Variants in EPHA5 observed in about 807,000 individuals in gnomAD.
EPHA5 encodes the protein EPH receptor A5.
EPHA5 carries 60 observed loss-of-function variants against 105.0 expected under a neutral mutation model. That is an observed-to-expected ratio of 0.57 (90% CI 0.46 to 0.71). EPHA5 has a LOEUF of 0.71. Among genes scored for constraint, EPHA5 ranks in the 30% least tolerant of loss-of-function variants. The pLI, the probability that EPHA5 is intolerant of heterozygous loss-of-function variation, is 0.00. For missense variants in EPHA5, 1,218 were observed against 1,274.7 expected, an observed-to-expected ratio of 0.96 and a Z score of 0.68; for synonymous variants, 513 against 449.1, an observed-to-expected ratio of 1.14 and a Z score of -1.80.
intron 3 of EPHA5, among the ~76,000 whole-genome samples, chr4:65,574,581 T>C (rs1391625087): frequency 6.9e-6 from 1 of 144,688 alleles, no homozygotes; most frequent in Admixed American, 6.9e-5. Flanking sequence ...AATAAATATG[T>C]CTCTCTCTAT....
chr4:65,596,703 CACA>C (rs759916649), intron 3 of EPHA5, among the ~76,000 whole-genome samples: 6 of 151,850 alleles, frequency 4.0e-5, no homozygotes, highest in Admixed American at 1.3e-4. Flanking sequence ...CACACACACA[CACA>C]CCAACACAAC....
At chr4:65,362,745 T>A (rs1263553995) in intron 11 of EPHA5, among the ~76,000 whole-genome samples, 9 of 151,680 alleles carry the variant, frequency 5.9e-5, no homozygotes, top group African/African-American at 2.2e-4. Context: ...AGAAGTTGTC[T>A]TAAGTTATCT....
chr4:65,387,153 G>A (rs899155733), intron 8 of EPHA5, among the ~76,000 whole-genome samples: 5 of 151,844 alleles, frequency 3.3e-5, no homozygotes, highest in African/African-American at 9.7e-5. Context: ...GGGGTTGGGC[G>A]GTAAGTGGAA....
chr4:65,519,194 T>A (rs1371020058), intron 3 of EPHA5, among the ~76,000 whole-genome samples: 1 of 151,832 alleles, frequency 6.6e-6, no homozygotes, highest in Non-Finnish European at 1.5e-5. Context: ...TAAATATAAA[T>A]ATAAAAAATA....
chr4:65,622,878 T>C (rs996786369), intron 2 of EPHA5, among the ~76,000 whole-genome samples: 2 of 152,098 alleles, frequency 1.3e-5, no homozygotes, highest in Non-Finnish European at 2.9e-5. Flanking sequence ...CAAGCTCACT[T>C]AACTTTAATT....
intron 8 of EPHA5, among the ~76,000 whole-genome samples, chr4:65,395,179 G>A (rs1279448012): frequency 6.6e-6 from 1 of 152,162 alleles, no homozygotes; most frequent in African/African-American, 2.4e-5. Flanking sequence ...TAATGATTCA[G>A]ACTAACTGAA....
chr4:65,446,408 C>T lies in EPHA5; in HGVS notation c.1403-25843G>A, dbSNP rs9997443. Among the ~76,000 whole-genome samples the T allele has an allele frequency of 7.4e-3, 1,119 of 152,184 alleles. 16 individuals are homozygous for T. The highest frequency in any genetic ancestry group is 0.026 in the African/African-American group (1,077 of 41,528). On this transcript the variant is annotated intron_variant, in intron 5 of 16. Coordinates refer to ENST00000613740, the MANE Select transcript of EPHA5 (RefSeq NM_001281766.3). ...TTAAAAGCATTGATAGATACTGTGA[C>T]ACTACAGGAAAAGGAAAACAAGCAA...
intron 2 of EPHA5, among the ~76,000 whole-genome samples, chr4:65,631,606 A>G (rs962375772): frequency 1.3e-5 from 2 of 152,160 alleles, no homozygotes; most frequent in South Asian, 2.1e-4. Flanking sequence ...TGAGTCCTCA[A>G]TATGGGTCAG....
intron 5 of EPHA5, among the ~76,000 whole-genome samples, chr4:65,461,550 A>G (rs1037013202): frequency 2.0e-5 from 3 of 152,074 alleles, no homozygotes; most frequent in Admixed American, 1.3e-4. Context: ...TTATTTTACT[A>G]TATTCTTCAT....
chr4:65,546,019 C>A (rs1737337348), intron 3 of EPHA5, among the ~76,000 whole-genome samples: 1 of 151,956 alleles, frequency 6.6e-6, no homozygotes, highest in Admixed American at 6.6e-5. Context: ...AACTACTCGA[C>A]TCTGAATGGT....
At chr4:65,424,236 T>C (rs952160715) in intron 5 of EPHA5, among the ~76,000 whole-genome samples, 27 of 152,204 alleles carry the variant, frequency 1.8e-4, no homozygotes, top group Middle Eastern at 3.4e-3. Flanking sequence ...ATCAATGATA[T>C]ACAAAATCCT....
intron 3 of EPHA5, among the ~76,000 whole-genome samples, chr4:65,495,872 A>T (rs932398777): frequency 2.6e-5 from 4 of 152,200 alleles, no homozygotes; most frequent in Non-Finnish European, 1.5e-5. Context: ...TATAGTTTTC[A>T]CTTACTCTAT....
At chr4:65,502,467 A>G (rs144960524) in intron 3 of EPHA5, among the ~76,000 whole-genome samples, 17 of 151,912 alleles carry the variant, frequency 1.1e-4, no homozygotes, top group Admixed American at 1.1e-3. Flanking sequence ...ACACTTCTCA[A>G]AAGAAAAGAT....
At chr4:65,334,572 C>T (rs1170574198) in intron 15 of EPHA5, among the ~76,000 whole-genome samples, 2 of 151,844 alleles carry the variant, frequency 1.3e-5, no homozygotes, top group African/African-American at 2.4e-5. Flanking sequence ...GGAGAAAGGG[C>T]GAGACAATGG....
intron 3 of EPHA5, among the ~76,000 whole-genome samples, chr4:65,550,946 T>A (rs953206614): frequency 3.3e-5 from 5 of 152,032 alleles, no homozygotes; most frequent in Non-Finnish European, 7.4e-5. Flanking sequence ...CCTACTAGAT[T>A]ACAGAACACA....
chr4:65,506,124 G>A (rs969775448), intron 3 of EPHA5, among the ~76,000 whole-genome samples: 2 of 152,096 alleles, frequency 1.3e-5, no homozygotes, highest in African/African-American at 2.4e-5. Flanking sequence ...CCTTGCAATA[G>A]TTTGCTGAGA....
At chr4:65,574,443 G>A (rs1740590010) in intron 3 of EPHA5, 1 of 382,218 alleles carries the variant, frequency 2.6e-6, no homozygotes, top group East Asian at 4.4e-5. Flanking sequence ...TACTCTTGAG[G>A]CTCTACATTA....
At chr4:65,550,803 T>C (rs1238249743) in intron 3 of EPHA5, among the ~76,000 whole-genome samples, 1 of 152,010 alleles carries the variant, frequency 6.6e-6, no homozygotes, top group Non-Finnish European at 1.5e-5. Flanking sequence ...GCCACTGCAC[T>C]CCAGCCTGGG....
At chr4:65,501,744 A>C (rs4860670) in intron 3 of EPHA5, among the ~76,000 whole-genome samples, 141,625 of 151,672 alleles carry the variant, frequency 0.93, 66,380 homozygotes, top group Middle Eastern at 0.99. Context: ...CAGAATCAGA[A>C]AAAACTTTTC....
Sources: gnomAD v4.1 joint callset for allele counts (sites outside exome capture counted in the v4.1 genomes callset) on GRCh38, gnomAD v4.1.1 for gene constraint, MANE v1.5 for transcripts, NCBI Gene and HGNC (gene_info 2026-07-23, HGNC 2026-07-21) for gene names.